The following PLA2G4A variants were observed in gnomAD, a reference collection of about 807,000 sequenced individuals.
PLA2G4A encodes cytosolic phospholipase A2.
Under a neutral mutation model 81.9 loss-of-function variants are expected in PLA2G4A, and 40 were observed. The observed-to-expected ratio is 0.49, with a 90% CI of 0.38 to 0.64. PLA2G4A has a LOEUF of 0.64. Among genes scored for constraint, PLA2G4A ranks in the 30% least tolerant of loss-of-function variants. The pLI is 0.00. For missense variants in PLA2G4A, 715 were observed against 905.1 expected, an observed-to-expected ratio of 0.79 and a Z score of 2.69; for synonymous variants, 302 against 296.9, an observed-to-expected ratio of 1.02 and a Z score of -0.18.
chr1:186,854,264 A>G, intron 1 of PLA2G4A, 22 bp from the exon 2 acceptor site: 1 of 799,914 alleles, frequency 1.3e-6, no homozygotes, highest in Non-Finnish European at 2.2e-6. Context: ...AAGCTTAACA[A>G]TAGTGATTGT....
At chr1:186,888,042 A>G (rs1373892786) in intron 3 of PLA2G4A, among the ~76,000 whole-genome samples, 3 of 152,224 alleles carry the variant, frequency 2.0e-5, no homozygotes, top group Non-Finnish European at 4.4e-5. Flanking sequence ...ATCCTTTGAC[A>G]TCTTAACTCT....
rs112992357 is a variant in PLA2G4A at position 186,947,764 on chromosome 1, G to A, written c.1264+803G>A. ...TTTGGAGCCATAACAGCAGGGACCT[G>A]GGAGAAGTGCCTGATGGACTATCAA... On this transcript the variant is annotated intron_variant, in intron 12 of 17. Coordinates refer to ENST00000367466, the MANE Select transcript of PLA2G4A (RefSeq NM_024420.3). Among the ~76,000 whole-genome samples the A allele has an allele frequency of 8.4e-4, 128 of 152,244 alleles. 2 individuals are homozygous for A. In the Middle Eastern group the frequency reaches 0.017, roughly 20 times the overall value.
At chr1:186,832,365 T>A (rs1299568009) in intron 1 of PLA2G4A, among the ~76,000 whole-genome samples, 3 of 152,176 alleles carry the variant, frequency 2.0e-5, no homozygotes, top group Non-Finnish European at 4.4e-5. Context: ...CTCCTTAAAA[T>A]GTTGTCTTCT....
At chr1:186,871,103 G>A (rs1434653655) in intron 3 of PLA2G4A, among the ~76,000 whole-genome samples, 2 of 152,132 alleles carry the variant, frequency 1.3e-5, no homozygotes, top group Non-Finnish European at 2.9e-5. Flanking sequence ...TTAAAATGTA[G>A]TTTTTCTCTA....
At chr1:186,898,245 C>T (rs1654411806) in intron 5 of PLA2G4A, among the ~76,000 whole-genome samples, 1 of 151,782 alleles carries the variant, frequency 6.6e-6, no homozygotes, top group Non-Finnish European at 1.5e-5. Flanking sequence ...TATTGTGCTC[C>T]TAAAATGTTG....
chr1:186,892,442 AT>A (rs796340527), intron 3 of PLA2G4A, among the ~76,000 whole-genome samples: 13 of 152,238 alleles, frequency 8.5e-5, no homozygotes, highest in African/African-American at 3.1e-4. Context: ...TAACATTTAA[AT>A]TTTTAATCCA....
At chr1:186,907,054 T>C in intron 6 of PLA2G4A, 52 bp downstream of exon 6, 1 of 937,900 alleles carries the variant, frequency 1.1e-6, no homozygotes, top group Non-Finnish European at 1.8e-6. Context: ...ATCCACTAAT[T>C]TATTTTAATT....
At chr1:186,959,890 AC>A (rs1295127065) in intron 14 of PLA2G4A, among the ~76,000 whole-genome samples, 1 of 148,676 alleles carries the variant, frequency 6.7e-6, no homozygotes, top group Non-Finnish European at 1.5e-5. Context: ...AAATTTTGCA[AC>A]CCCCATGCCA....
chr1:186,964,500 G>C (rs1444814123), intron 14 of PLA2G4A, among the ~76,000 whole-genome samples: 1 of 151,966 alleles, frequency 6.6e-6, no homozygotes, highest in East Asian at 1.9e-4. Flanking sequence ...ATTCTGCCTT[G>C]GGACCCTTGC....
intron 1 of PLA2G4A, among the ~76,000 whole-genome samples, chr1:186,840,369 C>T (rs1190725925): frequency 6.6e-6 from 1 of 152,058 alleles, no homozygotes; most frequent in Non-Finnish European, 1.5e-5. Context: ...GAATTGCCAT[C>T]ACAGTGTCTA....
chr1:186,846,459 A>G (rs1652178418), intron 1 of PLA2G4A, among the ~76,000 whole-genome samples: 1 of 152,176 alleles, frequency 6.6e-6, no homozygotes, highest in South Asian at 2.1e-4. Context: ...GAAATAATTT[A>G]AGATAAGAAA....
chr1:186,886,650 C>G (rs564862777), intron 3 of PLA2G4A, among the ~76,000 whole-genome samples: 7 of 152,298 alleles, frequency 4.6e-5, no homozygotes, highest in African/African-American at 1.7e-4. Context: ...ATTTGAAGAG[C>G]AGTCCATCAC....
chr1:186,865,357 G>T (rs1236337330), intron 2 of PLA2G4A, among the ~76,000 whole-genome samples: 1 of 152,042 alleles, frequency 6.6e-6, no homozygotes, highest in Non-Finnish European at 1.5e-5. Flanking sequence ...AGATAATGCT[G>T]ATCATTCTTT....
At chr1:186,987,341 T>C (rs944405288) in intron 17 of PLA2G4A, among the ~76,000 whole-genome samples, 2 of 152,266 alleles carry the variant, frequency 1.3e-5, no homozygotes, top group African/African-American at 2.4e-5. Context: ...CTGATCAGAC[T>C]TGCCAAGTAT....
chr1:186,923,113 G>A (rs1655414959), intron 7 of PLA2G4A, among the ~76,000 whole-genome samples: 1 of 152,120 alleles, frequency 6.6e-6, no homozygotes, highest in Non-Finnish European at 1.5e-5. Flanking sequence ...AAGACAATAT[G>A]AGGAGTGGTC....
chr1:186,877,031 C>G (rs1653526477), intron 3 of PLA2G4A, among the ~76,000 whole-genome samples: 4 of 152,026 alleles, frequency 2.6e-5, no homozygotes, highest in African/African-American at 9.7e-5. Flanking sequence ...GGGTGAGAAG[C>G]AGGGTGTTGG....
chr1:186,893,601 A>G (rs183964362), intron 4 of PLA2G4A, among the ~76,000 whole-genome samples: 7 of 152,250 alleles, frequency 4.6e-5, no homozygotes, highest in African/African-American at 1.7e-4. Flanking sequence ...GGAAAATGTG[A>G]AAAATTATTA....
rs144287562 is a variant in PLA2G4A at position 186,924,583 on chromosome 1, C to CT, written c.559-8173dup. 4.2e-3 allele frequency among the ~76,000 whole-genome samples: 638 copies of CT among 151,994 alleles called. 2 individuals are homozygous for CT. The highest frequency in any genetic ancestry group is 0.037 in the Middle Eastern group (11 of 294). ...TTCTCCTCATTCTATTTCTTTCTTT[C>CT]TTTTTTTGAGACAGGGTTTCACTTT... is the stretch of plus-strand genomic sequence containing the variant. On this transcript the variant is annotated intron_variant, in intron 7 of 17. Coordinates refer to ENST00000367466, the MANE Select transcript of PLA2G4A (RefSeq NM_024420.3).
chr1:186,880,077 G>A (rs1217325264), intron 3 of PLA2G4A, among the ~76,000 whole-genome samples: 1 of 151,822 alleles, frequency 6.6e-6, no homozygotes, highest in East Asian at 1.9e-4. Context: ...TTATGTTTTG[G>A]GGCTGGAACT....
Sources: gnomAD v4.1 joint callset for allele counts (sites outside exome capture counted in the v4.1 genomes callset) on GRCh38, gnomAD v4.1.1 for gene constraint, MANE v1.5 for transcripts, NCBI Gene and HGNC (gene_info 2026-07-23, HGNC 2026-07-21) for gene names.